The following NLGN1 variants were observed in gnomAD, a reference collection of about 807,000 sequenced individuals.
NLGN1 encodes the protein neuroligin-1.
A neutral mutation model predicts 65.5 loss-of-function variants in NLGN1; 12 were observed. The observed-to-expected ratio is 0.18, with a 90% CI of 0.12 to 0.30. The LOEUF is 0.30. Ranked by LOEUF, NLGN1 falls within the 10% of genes least tolerant of loss-of-function variation. The pLI is 1.00. For missense variants in NLGN1, 750 were observed against 1,007.1 expected (o/e 0.74, Z 3.46); for synonymous variants, 350 against 359.5 (o/e 0.97, Z 0.30).
chr3:174,177,676 A>G (rs1011392797), intron 4 of NLGN1, among the ~76,000 whole-genome samples: 1 of 152,142 alleles, frequency 6.6e-6, no homozygotes, highest in African/African-American at 2.4e-5. Context: ...CCTAGTATAA[A>G]GAAAAATATG....
chr3:173,789,369 C>T (rs764391840), intron 3 of NLGN1, among the ~76,000 whole-genome samples: 7 of 152,158 alleles, frequency 4.6e-5, no homozygotes, highest in Admixed American at 1.3e-4. Flanking sequence ...TAGTAGTCCC[C>T]ACTACTTCCA....
chr3:173,414,075 A>G (rs605211), intron 1 of NLGN1, among the ~76,000 whole-genome samples: 68,571 of 151,966 alleles, frequency 0.45, 16,980 homozygotes, highest in African/African-American at 0.65. Context: ...TCATACTTAC[A>G]TTGTATTAGG....
At chr3:174,216,130 A>G (rs1044518229) in intron 4 of NLGN1, among the ~76,000 whole-genome samples, 2 of 152,164 alleles carry the variant, frequency 1.3e-5, no homozygotes, top group African/African-American at 4.8e-5. Context: ...AATAATTCCT[A>G]TTAAATTGTG....
intron 2 of NLGN1, among the ~76,000 whole-genome samples, chr3:173,527,710 A>G (rs934288765): frequency 6.6e-6 from 1 of 152,062 alleles, no homozygotes; most frequent in East Asian, 1.9e-4. Flanking sequence ...TTTTTAAATT[A>G]TATTATTAGA....
intron 4 of NLGN1, among the ~76,000 whole-genome samples, chr3:174,274,062 TAA>T (rs1268352024): frequency 6.6e-6 from 1 of 151,400 alleles, no homozygotes; most frequent in Non-Finnish European, 1.5e-5. Context: ...TGAATTTCTA[TAA>T]GTCTCCAATA....
At chr3:173,576,543 A>G (rs948574167) in intron 2 of NLGN1, among the ~76,000 whole-genome samples, 1 of 152,148 alleles carries the variant, frequency 6.6e-6, no homozygotes, top group Non-Finnish European at 1.5e-5. Context: ...AGAGTGTAGC[A>G]TCTTCAAATC....
chr3:173,980,728 A>C (rs1718601718), intron 4 of NLGN1, among the ~76,000 whole-genome samples: 1 of 152,070 alleles, frequency 6.6e-6, no homozygotes, highest in South Asian at 2.1e-4. Flanking sequence ...AAAAATTTTT[A>C]CTTTAATATA....
At chr3:173,619,631 T>C (rs1753673983) in intron 3 of NLGN1, among the ~76,000 whole-genome samples, 1 of 152,134 alleles carries the variant, frequency 6.6e-6, no homozygotes, top group South Asian at 2.1e-4. Flanking sequence ...TCCACTTTAC[T>C]AAGGAGAAAT....
chr3:173,673,814 C>G (rs993681025), intron 3 of NLGN1, among the ~76,000 whole-genome samples: 4 of 151,906 alleles, frequency 2.6e-5, no homozygotes, highest in Non-Finnish European at 5.9e-5. Flanking sequence ...AACGCACAAA[C>G]AAAGCAAGGA....
At chr3:174,086,884 C>T (rs1182486402) in intron 4 of NLGN1, among the ~76,000 whole-genome samples, 1 of 152,042 alleles carries the variant, frequency 6.6e-6, no homozygotes, top group Non-Finnish European at 1.5e-5. Context: ...TCCCCAAAGC[C>T]AAGATTCAGA....
chr3:173,939,562 A>G (rs1745638701), intron 4 of NLGN1, among the ~76,000 whole-genome samples: 1 of 152,252 alleles, frequency 6.6e-6, no homozygotes, highest in African/African-American at 2.4e-5. Context: ...CCTTTGTGAC[A>G]GTCTGTATAT....
exon 7 of NLGN1, chr3:174,283,974 ACATTCTATTAAAT>A (rs1037821630): frequency 2.0e-5 from 3 of 151,382 alleles, no homozygotes; most frequent in Admixed American, 2.0e-4. Flanking sequence ...GCAAAACCAA[ACATTCTATTAAAT>A]AGTATGTTTT....
chr3:173,797,333 T>C (rs1460530872), intron 3 of NLGN1, among the ~76,000 whole-genome samples: 3 of 152,060 alleles, frequency 2.0e-5, no homozygotes, highest in Admixed American at 6.6e-5. Flanking sequence ...AAATCAGATA[T>C]GTAAAAAATT....
chr3:173,824,713 C>T (rs1435208387), intron 4 of NLGN1, among the ~76,000 whole-genome samples: 1 of 152,026 alleles, frequency 6.6e-6, no homozygotes, highest in Non-Finnish European at 1.5e-5. Context: ...TTCTCCAACA[C>T]TCATATGATC....
chr3:173,746,280 C>CA (rs891488820), intron 3 of NLGN1, among the ~76,000 whole-genome samples: 2 of 151,652 alleles, frequency 1.3e-5, no homozygotes, highest in Admixed American at 6.6e-5. Context: ...AACAAACAAG[C>CA]AAAAAAAAGT....
chr3:174,154,289 A>AT (rs1724924262), intron 4 of NLGN1, among the ~76,000 whole-genome samples: 1 of 64,380 alleles, frequency 1.6e-5, no homozygotes, highest in African/African-American at 1.4e-4. Context: ...TTTATTATTT[A>AT]GGGTGATAGT....
At chr3:173,731,777 T>A (rs2150059059) in intron 3 of NLGN1, among the ~76,000 whole-genome samples, 2 of 152,118 alleles carry the variant, frequency 1.3e-5, no homozygotes, top group Middle Eastern at 6.8e-3. Context: ...CATAGAAATA[T>A]AAATATATAA....
chr3:173,413,985 G>A (rs529191365), intron 1 of NLGN1, among the ~76,000 whole-genome samples: 1 of 152,312 alleles, frequency 6.6e-6, no homozygotes, highest in South Asian at 2.1e-4. Flanking sequence ...GTTCCACACT[G>A]TAGTGAATAT....
At chr3:173,749,993 A>G (rs55811733) in intron 3 of NLGN1, among the ~76,000 whole-genome samples, 294 of 152,204 alleles carry the variant, frequency 1.9e-3, no homozygotes, top group African/African-American at 6.8e-3. Flanking sequence ...AGTGTGATGA[A>G]GTTTGTCCCC....
Sources: gnomAD v4.1 joint callset for allele counts (sites outside exome capture counted in the v4.1 genomes callset) on GRCh38, gnomAD v4.1.1 for gene constraint, MANE v1.5 for transcripts, NCBI Gene and HGNC (gene_info 2026-07-23, HGNC 2026-07-21) for gene names.